Variants in FAM234B observed in about 807,000 individuals in gnomAD.
FAM234B encodes the protein protein FAM234B.
In FAM234B, 33 loss-of-function variants were observed where a neutral mutation model predicts 69.3. The observed-to-expected ratio is 0.48, with a 90% CI of 0.36 to 0.64. The LOEUF is 0.64. FAM234B is among the 30% of genes least tolerant of loss of function. The pLI, the probability that FAM234B is intolerant of heterozygous loss-of-function variation, is 0.00. For synonymous variants in FAM234B, 306 were observed against 306.9 expected (o/e 1.00, Z 0.03); for missense variants, 697 against 769.7 (o/e 0.91, Z 1.12).
intron 10 of FAM234B, among the ~76,000 whole-genome samples, chr12:13,075,433 C>CTTTTTTTTTTTTTTTT (rs59012504): frequency 3.6e-5 from 5 of 137,512 alleles, no homozygotes; most frequent in South Asian, 2.3e-4. Flanking sequence ...CTTTTCTTTT[C>CTTTTTTTTTTTTTTTT]TTTTTTTTTT....
In FAM234B at chr12:13,062,967, G is replaced by T; in HGVS notation, c.844G>T (p.Glu282Ter). 6.2e-7 allele frequency: 1 copy of T among 1,613,904 alleles called. No individual in the cohort carries two copies. Among genetic ancestry groups the T allele is most frequent in the Non-Finnish European group, 8.5e-7 (1 of 1,179,854 alleles). The part of the protein sequence containing the change: ...VRDLVVLAIG[E>*]LQPDLCFLLV... Reference sequence around the variant, plus strand: ...AGACCTTGTGGTTCTGGCCATTGGGGAATTGCAGGTATGATCTCTATTAAA... The same window carrying T: ...AGACCTTGTGGTTCTGGCCATTGGGTAATTGCAGGTATGATCTCTATTAAA... The change falls in exon 5 of 13, where the codon GAA becomes TAA. Residue 282 changes from glutamate to a stop codon, truncating the protein, a stop_gained. Transcript: ENST00000197268. LOFTEE classifies it high-confidence loss of function.
chr12:13,076,273 C>T, intron 11 of FAM234B, 130 bp downstream of exon 11: 1 of 705,164 alleles, frequency 1.4e-6, no homozygotes, highest in South Asian at 1.7e-5. Context: ...GGGCACTTTC[C>T]CTGGTGTCCC....
intron 1 of FAM234B, among the ~76,000 whole-genome samples, chr12:13,052,422 G>T (rs1864885494): frequency 6.7e-6 from 1 of 150,030 alleles, no homozygotes; most frequent in Admixed American, 6.6e-5. Flanking sequence ...CTGTTTTTCA[G>T]ATATATATAT....
intron 1 of FAM234B, among the ~76,000 whole-genome samples, chr12:13,055,205 G>A (rs770269594): frequency 2.6e-5 from 4 of 152,242 alleles, no homozygotes; most frequent in African/African-American, 4.8e-5. Context: ...GAGAGTTGAT[G>A]TGGAGCCATG....
intron 3 of FAM234B, among the ~76,000 whole-genome samples, chr12:13,060,088 A>G (rs548187409): frequency 6.6e-6 from 1 of 152,332 alleles, no homozygotes; most frequent in South Asian, 2.1e-4. Flanking sequence ...TAGACCCATT[A>G]TTATCCCCCT....
rs957552773 is a variant in FAM234B at position 13,080,711 on chromosome 12, A to G, written c.*81A>G. ...CTCCTGTCACTGTAAAATCAGTTCT[A>G]TGGAGAGAAGACTTCTTCGTCCTCA... On this transcript the variant is annotated 3_prime_UTR_variant, in exon 13 of 13. Transcript: ENST00000197268. 2.4e-6 allele frequency: 3 copies of G among 1,240,150 alleles called. No homozygotes were observed. The highest frequency in any genetic ancestry group is 1.3e-5 in the South Asian group (1 of 79,738). 76.8% of individuals were successfully genotyped at this position (1,240,150 alleles called of 1,614,324 possible). A position where few individuals can be genotyped will look rare whatever the true frequency, so the allele number is the denominator to read the frequency against.
chr12:13,055,349 G>A (rs754481440), intron 1 of FAM234B, among the ~76,000 whole-genome samples: 1 of 152,186 alleles, frequency 6.6e-6, no homozygotes, highest in Non-Finnish European at 1.5e-5. Context: ...GGAGCACTGT[G>A]CTTTTGTTTT....
chr12:13,071,957 A>G (rs554627042), intron 10 of FAM234B, among the ~76,000 whole-genome samples: 1 of 152,182 alleles, frequency 6.6e-6, no homozygotes, highest in Non-Finnish European at 1.5e-5. Context: ...CAGTATTTTC[A>G]TGGGGTTGGT....
At chr12:13,070,509 A>C (rs904792626) in intron 9 of FAM234B, among the ~76,000 whole-genome samples, 1 of 152,084 alleles carries the variant, frequency 6.6e-6, no homozygotes, top group African/African-American at 2.4e-5. Context: ...GAGTAAAGAC[A>C]CTTGGGCTGG....
chr12:13,066,124 A>G (rs1428551000), intron 5 of FAM234B, among the ~76,000 whole-genome samples: 1 of 152,248 alleles, frequency 6.6e-6, no homozygotes, highest in Non-Finnish European at 1.5e-5. Context: ...TACAGAGATC[A>G]TCTAGCTGGC....
chr12:13,070,688 T>G (rs1865096212), intron 9 of FAM234B, among the ~76,000 whole-genome samples: 1 of 152,182 alleles, frequency 6.6e-6, no homozygotes, highest in African/African-American at 2.4e-5. Flanking sequence ...TTATTTTTTT[T>G]GCCTGTTTAA....
intron 9 of FAM234B, among the ~76,000 whole-genome samples, 197 bp downstream of exon 9, chr12:13,068,908 A>C (rs1018050896): frequency 4.6e-5 from 7 of 152,202 alleles, no homozygotes; most frequent in Non-Finnish European, 1.0e-4. Context: ...AAGCCTTTCT[A>C]GGATAATCTC....
chr12:13,071,221 G>A lies in FAM234B; in HGVS notation c.1369-20G>A. On this transcript the variant is annotated intron_variant, in intron 9 of 12. Coordinates refer to ENST00000197268, the MANE Select transcript of FAM234B (RefSeq NM_020853.2). ...TTTTTGAGGCCTGGCCATGTTTACTGTCTGTCTTCTCTTTTGTAGATGATG... is the reference window on the plus strand; with the variant it reads ...TTTTTGAGGCCTGGCCATGTTTACTATCTGTCTTCTCTTTTGTAGATGATG... The A allele has an allele frequency of 6.2e-7, 1 of 1,613,334 alleles. No homozygotes were observed. Among genetic ancestry groups the A allele is most frequent in the Non-Finnish European group, 8.5e-7 (1 of 1,179,328 alleles).
rs1321337899 is a variant in FAM234B, at chr12:13,076,154, G to C, written c.1642+11G>C. ...TGACGGCTTCAGAGGGTGAGTCCCA[G>C]TGCCAGCGGGAGTCTGTGTACGCAG... On this transcript the variant is annotated intron_variant, in intron 11 of 12. Transcript: ENST00000197268. The C allele has an allele frequency of 1.3e-6, 2 of 1,568,684 alleles. No individual in the cohort carries two copies. Among genetic ancestry groups the C allele is most frequent in the Non-Finnish European group, 1.8e-6 (2 of 1,138,658 alleles).
At position 13,057,375 on chromosome 12, in the gene FAM234B, A is replaced by G. The variant is rs146791883; in HGVS notation, c.434-1076A>G. On this transcript the variant is annotated intron_variant, in intron 2 of 12. Coordinates refer to ENST00000197268, the MANE Select transcript of FAM234B (RefSeq NM_020853.2). ...TACCTGGAGTTTATTCATTTTCACTACTGTCTGATTTTTCCATGGTATGAA... is the reference window on the plus strand; with the variant it reads ...TACCTGGAGTTTATTCATTTTCACTGCTGTCTGATTTTTCCATGGTATGAA... Among the ~76,000 whole-genome samples the G allele has an allele frequency of 3.3e-3, 499 of 151,936 alleles. 4 individuals are homozygous for G. Among genetic ancestry groups the G allele is most frequent in the African/African-American group, 0.011 (474 of 41,428 alleles).
intron 3 of FAM234B, 28 bp from the exon 4 acceptor site, chr12:13,061,546 CT>C (rs758196035): frequency 2.5e-6 from 4 of 1,579,008 alleles, no homozygotes; most frequent in Admixed American, 1.8e-5. Context: ...GCCTGCTTTC[CT>C]TTTTTTATCT....
At chr12:13,066,917 T>A (rs1280577812) in intron 6 of FAM234B, 130 bp downstream of exon 6, 1 of 1,074,088 alleles carries the variant, frequency 9.3e-7, no homozygotes, top group Non-Finnish European at 1.3e-6. Context: ...TGCAGGGGCC[T>A]CTTACTGTCC....
At chr12:13,068,093 T>G (rs1865060002) in intron 7 of FAM234B, among the ~76,000 whole-genome samples, 1 of 152,226 alleles carries the variant, frequency 6.6e-6, no homozygotes, top group Non-Finnish European at 1.5e-5. Context: ...CTTTTGAACT[T>G]GTATGGAATT....
intron 10 of FAM234B, among the ~76,000 whole-genome samples, chr12:13,075,174 C>G (rs1865145953): frequency 6.6e-6 from 1 of 152,232 alleles, no homozygotes; most frequent in Non-Finnish European, 1.5e-5. Context: ...TGATTTGCCT[C>G]TGTCTGGTCA....
Sources: gnomAD v4.1 joint callset for allele counts (sites outside exome capture counted in the v4.1 genomes callset) on GRCh38, gnomAD v4.1.1 for gene constraint, MANE v1.5 for transcripts, NCBI Gene and HGNC (gene_info 2026-07-23, HGNC 2026-07-21) for gene names.